Variants in GPR89B observed in about 807,000 individuals in gnomAD.
The protein encoded by GPR89B is G protein-coupled receptor 89B.
Under a neutral mutation model 52.4 loss-of-function variants are expected in GPR89B, and 25 were observed. The observed-to-expected ratio is 0.48, with a 90% confidence interval of 0.35 to 0.67. GPR89B has a LOEUF of 0.67. Ranked by LOEUF, GPR89B falls within the 30% of genes least tolerant of loss-of-function variation. The probability of loss-of-function intolerance (pLI) is 0.01; values close to 1 mark genes in which losing one functional copy is unlikely to be tolerated. For missense variants in GPR89B, 146 were observed against 450.2 expected, an observed-to-expected ratio of 0.32 and a Z score of 6.11; for synonymous variants, 52 against 151.2, an observed-to-expected ratio of 0.34 and a Z score of 4.81.
intron 5 of GPR89B, among the ~76,000 whole-genome samples, 160 bp downstream of exon 5, chr1:147,944,258 TGAG>T (rs1553249447): frequency 6.7e-6 from 1 of 148,554 alleles, no homozygotes; most frequent in East Asian, 2.0e-4. Context: ...TTTTTCTGAT[TGAG>T]GAGGATAGCA....
downstream of GPR89B, among the ~76,000 whole-genome samples, chr1:147,996,040 G>A (rs1422371880): frequency 1.3e-4 from 19 of 151,986 alleles, no homozygotes; most frequent in Admixed American, 6.6e-5. Context: ...GTGTTCTAAT[G>A]CTTTTATATT....
chr1:147,977,892 T>C (rs1258182326), intron 10 of GPR89B, among the ~76,000 whole-genome samples: 2 of 151,612 alleles, frequency 1.3e-5, no homozygotes, highest in Non-Finnish European at 2.9e-5. Flanking sequence ...CTATAATGTT[T>C]TATCATGGTT....
chr1:147,983,793 G>A (rs1203092697), intron 10 of GPR89B, among the ~76,000 whole-genome samples: 1 of 151,938 alleles, frequency 6.6e-6, no homozygotes, highest in African/African-American at 2.4e-5. Flanking sequence ...TCTAGAACTA[G>A]AAATACCATT....
chr1:147,941,676 T>G, intron 3 of GPR89B, among the ~76,000 whole-genome samples: 1 of 149,546 alleles, frequency 6.7e-6, no homozygotes, highest in Non-Finnish European at 1.5e-5. Flanking sequence ...TAACAATAAA[T>G]GATAATTATG....
At chr1:148,012,645 T>G in the GPR89B span, among the ~76,000 whole-genome samples, 2 of 151,850 alleles carry the variant, frequency 1.3e-5, no homozygotes, top group African/African-American at 4.9e-5. Context: ...TAAGATGTTG[T>G]GAAAAGACAA....
intron 12 of GPR89B, among the ~76,000 whole-genome samples, chr1:147,991,447 TC>T (rs1659061205): frequency 6.6e-6 from 1 of 152,198 alleles, no homozygotes; most frequent in African/African-American, 2.4e-5. Flanking sequence ...TATTTCTTTC[TC>T]CTGTCTGATT....
At chr1:147,970,006 G>C (rs1251691436) in intron 10 of GPR89B, 47 bp downstream of exon 10, 2 of 957,138 alleles carry the variant, frequency 2.1e-6, no homozygotes, top group African/African-American at 1.9e-5. Flanking sequence ...TTTTTTCCTG[G>C]TAGTGGCAGG....
At chr1:147,965,149 A>G (rs1282654498) in intron 7 of GPR89B, among the ~76,000 whole-genome samples, 1 of 150,932 alleles carries the variant, frequency 6.6e-6, no homozygotes, top group Non-Finnish European at 1.5e-5. Context: ...AAGAGCTAAA[A>G]GAGCTGTGTT....
the GPR89B span, among the ~76,000 whole-genome samples, chr1:148,012,799 G>A: frequency 6.6e-6 from 1 of 151,906 alleles, no homozygotes; most frequent in Non-Finnish European, 1.5e-5. Context: ...TTGATTGCTG[G>A]CAAAATCTCA....
the GPR89B span, chr1:148,005,501 C>G: frequency 6.0e-5 from 97 of 1,606,150 alleles, 3 homozygotes; most frequent in East Asian, 1.7e-3. Flanking sequence ...ATGTATACCC[C>G]CTTTTTACCT....
chr1:148,008,082 A>G, the GPR89B span, among the ~76,000 whole-genome samples: 1 of 151,742 alleles, frequency 6.6e-6, no homozygotes, highest in African/African-American at 2.4e-5. Flanking sequence ...AAAGCCAAAC[A>G]GGATAAGGGG....
chr1:148,017,982 T>TGTG, the GPR89B span, among the ~76,000 whole-genome samples: 6 of 144,580 alleles, frequency 4.1e-5, no homozygotes, highest in Admixed American at 4.1e-4. Flanking sequence ...GCCACCATAA[T>TGTG]GTGCCCTGAG....
At chr1:147,950,722 G>A (rs868922805) in intron 5 of GPR89B, among the ~76,000 whole-genome samples, 4 of 152,078 alleles carry the variant, frequency 2.6e-5, no homozygotes, top group African/African-American at 7.3e-5. Flanking sequence ...CTCGCAGTTC[G>A]GAGCTGGAGA....
chr1:147,937,526 C>T (rs1481820457), intron 2 of GPR89B, among the ~76,000 whole-genome samples: 2 of 152,136 alleles, frequency 1.3e-5, no homozygotes, highest in Non-Finnish European at 2.9e-5. Context: ...TTAGTCCTAT[C>T]TCAACCGCAT....
the GPR89B span, among the ~76,000 whole-genome samples, chr1:148,020,889 T>C: frequency 6.6e-6 from 1 of 151,708 alleles, no homozygotes; most frequent in East Asian, 2.0e-4. Flanking sequence ...GGTTTCACCA[T>C]GTTGGCTAGG....
intron 1 of GPR89B, among the ~76,000 whole-genome samples, chr1:147,936,333 A>C (rs587616506): frequency 6.6e-6 from 1 of 152,312 alleles, no homozygotes; most frequent in South Asian, 2.1e-4. Context: ...TTCTATTTGC[A>C]AACTTCTCTG....
In GPR89B at chr1:147,943,547, A is replaced by G. The variant is rs782417643; in HGVS notation, c.313+3A>G. On this transcript the variant is annotated splice_donor_region_variant and intron_variant, in intron 4 of 13. Transcript: ENST00000314163. ...TATTGTGAGCAATATCCGACTACGTAAGTATTTTACCCTCTCAGTCAGCGT... is the reference window on the plus strand; with the variant it reads ...TATTGTGAGCAATATCCGACTACGTGAGTATTTTACCCTCTCAGTCAGCGT... 2.0e-5 allele frequency: 32 copies of G among 1,613,304 alleles called. No homozygotes were observed. Among genetic ancestry groups the G allele is most frequent in the Non-Finnish European group, 2.7e-5 (32 of 1,179,452 alleles).
the GPR89B span, among the ~76,000 whole-genome samples, chr1:148,025,262 G>C: frequency 6.6e-6 from 1 of 151,742 alleles, no homozygotes; most frequent in Non-Finnish European, 1.5e-5. Flanking sequence ...CTTCGGCTCA[G>C]GTGTGCTTTC....
At position 147,931,693 on chromosome 1, in the gene GPR89B, C is replaced by T. The variant is rs587737480; in HGVS notation, c.42+3115C>T. 1.1e-4 allele frequency among the ~76,000 whole-genome samples: 17 copies of T among 151,702 alleles called. No homozygotes were observed. In the South Asian group the frequency reaches 2.5e-3, roughly 22 times the overall value. Reference sequence around the variant, plus strand: ...ATGATCCGGTCACCCAGGTACTGAGCGTAGTACTCAATAATTAGTTTTTCA... The same window carrying T: ...ATGATCCGGTCACCCAGGTACTGAGTGTAGTACTCAATAATTAGTTTTTCA... On this transcript the variant is annotated intron_variant, in intron 1 of 13. Coordinates refer to ENST00000314163, the MANE Select transcript of GPR89B (RefSeq NM_016334.5).
Sources: gnomAD v4.1 joint callset for allele counts (sites outside exome capture counted in the v4.1 genomes callset) on GRCh38, gnomAD v4.1.1 for gene constraint, MANE v1.5 for transcripts, NCBI Gene and HGNC (gene_info 2026-07-23, HGNC 2026-07-21) for gene names.